OR6P1: variants seen among roughly 807,000 people sequenced by gnomAD.
OR6P1 encodes olfactory receptor family 6 subfamily P member 1.
OR6P1 carries 5 observed loss-of-function variants against 6.6 expected under a neutral mutation model. The ratio of observed to expected loss-of-function variants is 0.76; its 90% confidence interval spans 0.40 to 1.60. OR6P1 has a LOEUF of 1.60. Among genes scored for constraint, OR6P1 ranks in the 40% most tolerant of loss-of-function variants. OR6P1 has a pLI of 0.02. For missense variants in OR6P1, 451 were observed against 383.0 expected (o/e 1.18, Z -1.48); for synonymous variants, 177 against 149.6 (o/e 1.18, Z -1.33).
At chr1:158,569,151 C>T (rs112436855) in intron 1 of OR6P1, among the ~76,000 whole-genome samples, 2,082 of 152,204 alleles carry the variant, frequency 0.014, 51 homozygotes, top group African/African-American at 0.048. Flanking sequence ...TTAACAGAGA[C>T]GATTACCTGA....
Position 158,562,952 on chromosome 1 carries a change from T to G in OR6P1, c.653A>C (p.Tyr218Ser), listed in dbSNP as rs1307695631. 1 of 1,551,668 alleles carries G rather than the reference T, an allele frequency of 6.4e-7. No homozygotes were observed. The highest frequency in any genetic ancestry group is 2.4e-5 in the East Asian group (1 of 40,920). Reference protein sequence around the residue: ...LLPLLAVVSSYTAIIAAILRI... With the variant: ...LLPLLAVVSSSTAIIAAILRI... ...CAGGATGGCTGCAATGATGGCAGTG[T>G]ATGATGAAACCACAGCCAATAGAGG... The change falls in exon 3 of 3, where the codon TAC becomes TCC. Residue 218 changes from tyrosine to serine, a missense_variant. By Grantham distance (144) the Tyr-to-Ser change is moderately radical. Transcript: ENST00000641540.
Position 158,563,065 on chromosome 1 carries a change from A to G in OR6P1, c.540T>C (p.Asp180=), listed in dbSNP as rs754145521. 1 of 1,551,874 alleles carries G rather than the reference A, an allele frequency of 6.4e-7. No homozygotes were observed. The highest frequency in any genetic ancestry group is 1.2e-5 in the South Asian group (1 of 84,058). ...GPNIINHFFC[D]ISPLLNLTCS... is the part of the protein sequence containing the mutation. ...AGGTGAGGTTGAGTAGTGGGGAAATATCACAGAAAAAGTGGTTGATAATGT... is the reference window on the plus strand; with the variant it reads ...AGGTGAGGTTGAGTAGTGGGGAAATGTCACAGAAAAAGTGGTTGATAATGT... Residue 180 remains aspartate, a synonymous_variant, in exon 3 of 3, where the codon GAT becomes GAC. Coordinates refer to ENST00000641540, the MANE Select transcript of OR6P1 (RefSeq NM_001160325.2).
chr1:158,566,927 T>C (rs940816956), intron 1 of OR6P1, 69 bp from the exon 2 acceptor site: 2 of 152,048 alleles, frequency 1.3e-5, no homozygotes, highest in Admixed American at 1.3e-4. Context: ...AATCTGCAAA[T>C]AACTCAAACA....
chr1:158,562,503 A>G lies in OR6P1; in HGVS notation c.*148T>C. Reference sequence around the variant, plus strand: ...CCCTGTAAAAAATAAATGATTCATAAAGTTTCATTTGTATCAGAAGGTCCC... The same window carrying G: ...CCCTGTAAAAAATAAATGATTCATAGAGTTTCATTTGTATCAGAAGGTCCC... On this transcript the variant is annotated 3_prime_UTR_variant, in exon 3 of 3. Transcript: ENST00000641540. The G allele has an allele frequency of 1.7e-6, 1 of 604,172 alleles. No individual in the cohort carries two copies. The highest frequency in any genetic ancestry group is 2.1e-5 in the South Asian group (1 of 47,710). The allele number at this position is 604,172 out of a possible 1,614,324, so 37.4% of individuals were successfully genotyped here. A position where few individuals can be genotyped will look rare whatever the true frequency, so the allele number is the denominator to read the frequency against.
intron 1 of OR6P1, among the ~76,000 whole-genome samples, chr1:158,568,248 T>C (rs1648148213): frequency 6.6e-6 from 1 of 152,226 alleles, no homozygotes; most frequent in Non-Finnish European, 1.5e-5. Context: ...TCTGTAGCTC[T>C]GAGTATATCA....
intron 2 of OR6P1, among the ~76,000 whole-genome samples, chr1:158,565,555 T>A (rs1648075756): frequency 6.6e-6 from 1 of 152,160 alleles, no homozygotes; most frequent in Non-Finnish European, 1.5e-5. Flanking sequence ...TTTCTCTAGC[T>A]GTTATATAAT....
chr1:158,560,686 A>C lies in OR6P1; in HGVS notation c.*1965T>G, dbSNP rs1015917829. The C allele has an allele frequency of 6.6e-6, 1 of 152,210 alleles. No individual in the cohort carries two copies. The highest frequency in any genetic ancestry group is 2.4e-5 in the African/African-American group (1 of 41,458). 9.4% of individuals were successfully genotyped at this position (152,210 alleles called of 1,614,324 possible). ...ACTCTGTCATTTAAAGTCTTAGCTC[A>C]GGTAGGTGGACATAAGATTTTCATC... On this transcript the variant is annotated 3_prime_UTR_variant, in exon 3 of 3. Coordinates refer to ENST00000641540, the MANE Select transcript of OR6P1 (RefSeq NM_001160325.2).
rs1192730304 is a variant in OR6P1 at position 158,562,206 on chromosome 1, C to T, written c.*445G>A. 1 of 156,434 alleles carries T rather than the reference C, an allele frequency of 6.4e-6. No individual in the cohort carries two copies. Among genetic ancestry groups the T allele is most frequent in the East Asian group, 1.9e-4 (1 of 5,236 alleles). 9.7% of individuals were successfully genotyped at this position (156,434 alleles called of 1,614,324 possible). A position where few individuals can be genotyped will look rare whatever the true frequency, so the allele number is the denominator to read the frequency against. On this transcript the variant is annotated 3_prime_UTR_variant, in exon 3 of 3. Coordinates refer to ENST00000641540, the MANE Select transcript of OR6P1 (RefSeq NM_001160325.2). The stretch of plus-strand genomic sequence containing the variant: ...TTTGAAATTGTTACACTGAAGTCTA[C>T]CAAATTTTTTTCTTGGCATGTCCAC...
chr1:158,568,487 C>T (rs1648153315), intron 1 of OR6P1, among the ~76,000 whole-genome samples: 1 of 152,122 alleles, frequency 6.6e-6, no homozygotes, highest in Non-Finnish European at 1.5e-5. Context: ...AACTTAGATT[C>T]CAAGTAATAA....
chr1:158,563,183 G>A lies in OR6P1; in HGVS notation c.422C>T (p.Ala141Val). ...LYPSLMPSSL[A>V]TRLAAASWGS... ...CCAAGAGGCAGCAGCAAGGCGAGTGGCCAGACTGGAAGGCATGAGACTAGG... is the reference window on the plus strand; with the variant it reads ...CCAAGAGGCAGCAGCAAGGCGAGTGACCAGACTGGAAGGCATGAGACTAGG... The change falls in exon 3 of 3, where the codon GCC (alanine) becomes GTC (valine). Residue 141 changes from alanine to valine, a missense_variant. Ala to Val is a moderately conservative substitution (Grantham distance 64). Transcript: ENST00000641540. 1.3e-6 allele frequency: 2 copies of A among 1,551,478 alleles called. No homozygotes were observed. The highest frequency in any genetic ancestry group is 1.2e-5 in the South Asian group (1 of 84,016).
At chr1:158,569,765 T>C (rs965427156) in intron 1 of OR6P1, among the ~76,000 whole-genome samples, 2 of 152,162 alleles carry the variant, frequency 1.3e-5, no homozygotes, top group Admixed American at 6.6e-5. Flanking sequence ...TTCCTCAAGA[T>C]CATACATCTA....
rs1648209007 is a variant in OR6P1 at position 158,570,465 on chromosome 1, C to A, written c.-141G>T. On this transcript the variant is annotated 5_prime_UTR_variant, in exon 1 of 3. Transcript: ENST00000641540. Reference sequence around the variant, plus strand: ...ACCTGAATAAGAACAAAATTTGTCACAGAAGTTCACCTACTTCTTTGCTTG... The same window carrying A: ...ACCTGAATAAGAACAAAATTTGTCAAAGAAGTTCACCTACTTCTTTGCTTG... 1 of 152,188 alleles carries A rather than the reference C, an allele frequency of 6.6e-6. No individual in the cohort carries two copies. Among genetic ancestry groups the A allele is most frequent in the Admixed American group, 6.5e-5 (1 of 15,270 alleles). The allele number at this position is 152,188 out of a possible 1,614,324, so 9.4% of individuals were successfully genotyped here. A position where few individuals can be genotyped will look rare whatever the true frequency, so the allele number is the denominator to read the frequency against.
chr1:158,565,166 A>G (rs1648065350), intron 2 of OR6P1, among the ~76,000 whole-genome samples: 1 of 152,200 alleles, frequency 6.6e-6, no homozygotes. Context: ...CCTCCTGTGT[A>G]GCTAGGACTA....
chr1:158,569,676 C>T lies in OR6P1; in HGVS notation c.-118+766G>A, dbSNP rs1648191662. ...GTAGTGAGTATTTTTCATATGCTAA[C>T]TTAATTCTCACAACAGCCCAGTGAG... On this transcript the variant is annotated intron_variant, in intron 1 of 2. Transcript: ENST00000641540. Among the ~76,000 whole-genome samples, 2 of 152,182 alleles carry T rather than the reference C, an allele frequency of 1.3e-5. 1 individual carries two copies. The highest frequency in any genetic ancestry group is 4.1e-4 in the South Asian group (2 of 4,836).
In OR6P1 at chr1:158,563,235, G is replaced by A; in HGVS notation, c.370C>T (p.Leu124=). 6.4e-7 allele frequency: 1 copy of A among 1,551,626 alleles called. No individual in the cohort carries two copies. Among genetic ancestry groups the A allele is most frequent in the East Asian group, 2.4e-5 (1 of 40,904 alleles). The part of the protein sequence containing the change: ...LLAVMAYDRY[L]AICGPLLYPS... ...TAAAGGAGGGGTCCACAGATGGCCA[G>A]GTAGCGATCATAGGCCATAACTGCC... Residue 124 remains leucine, a synonymous_variant, in exon 3 of 3, where the codon CTG becomes TTG. Coordinates refer to ENST00000641540, the MANE Select transcript of OR6P1 (RefSeq NM_001160325.2).
rs1416317632 is a variant in OR6P1 at position 158,563,625 on chromosome 1, G to A, written c.-21C>T. 2 of 1,441,704 alleles carry A rather than the reference G, an allele frequency of 1.4e-6. No homozygotes were observed. The highest frequency in any genetic ancestry group is 2.6e-5 in the South Asian group (2 of 76,446). The allele number at this position is 1,441,704 out of a possible 1,614,324, so 89.3% of individuals were successfully genotyped here. On this transcript the variant is annotated splice_region_variant and 5_prime_UTR_variant, in exon 3 of 3. Transcript: ENST00000641540. ...CTCATGGCTCTCTGTCCACTTGAGT[G>A]CCTAAAATAAATCACAGGAAGAACA...
At chr1:158,566,066 C>T (rs1345994148) in intron 2 of OR6P1, among the ~76,000 whole-genome samples, 2 of 152,076 alleles carry the variant, frequency 1.3e-5, no homozygotes, top group Admixed American at 6.6e-5. Flanking sequence ...CTGACATTGG[C>T]AATGGCATTA....
chr1:158,569,595 C>T (rs1344545603), intron 1 of OR6P1, among the ~76,000 whole-genome samples: 1 of 152,210 alleles, frequency 6.6e-6, no homozygotes, highest in Non-Finnish European at 1.5e-5. Context: ...CTGTCTTCGT[C>T]TCTATCTATA....
rs754809514 is a variant in OR6P1 at position 158,563,039 on chromosome 1, C to T, written c.566G>A (p.Cys189Tyr). 37 of 1,551,606 alleles carry T rather than the reference C, an allele frequency of 2.4e-5. No individual in the cohort carries two copies. In the African/African-American group the frequency reaches 3.2e-4, roughly 13 times the overall value. ...TAGCTCTGCTTGCTCCTTGTCAGAG[C>T]AGGTGAGGTTGAGTAGTGGGGAAAT... Reference protein sequence around the residue: ...CDISPLLNLTCSDKEQAELVD... With the variant: ...CDISPLLNLTYSDKEQAELVD... The change falls in exon 3 of 3, where the codon TGC becomes TAC. Residue 189 changes from cysteine (C) to tyrosine (Y), a missense_variant. Cys to Tyr is a radical substitution (Grantham distance 194, BLOSUM62 -2). Transcript: ENST00000641540.
Sources: gnomAD v4.1 joint callset for allele counts (sites outside exome capture counted in the v4.1 genomes callset) on GRCh38, gnomAD v4.1.1 for gene constraint, MANE v1.5 for transcripts, NCBI Gene and HGNC (gene_info 2026-07-23, HGNC 2026-07-21) for gene names.